The following CIB4 variants were observed in gnomAD, a reference collection of about 807,000 sequenced individuals.
CIB4 encodes calcium and integrin binding family member 4, also known as calcium and integrin-binding family member 4.
In CIB4, 25 loss-of-function variants were observed where a neutral mutation model predicts 25.8. The ratio of observed to expected loss-of-function variants is 0.97; its 90% CI spans 0.71 to 1.35. The LOEUF (loss-of-function observed/expected upper bound fraction) is 1.35. Ranked by LOEUF, CIB4 falls within the 40% of genes most tolerant of loss-of-function variation. CIB4 has a pLI of 0.00. For missense variants in CIB4, 235 were observed against 228.2 expected (o/e 1.03, Z -0.19); for synonymous variants, 75 against 81.4 (o/e 0.92, Z 0.42).
intron 3 of CIB4, among the ~76,000 whole-genome samples, chr2:26,600,339 G>A (rs988846113): frequency 6.6e-6 from 1 of 152,128 alleles, no homozygotes; most frequent in African/African-American, 2.4e-5. Flanking sequence ...GGGAGGCAGA[G>A]GTTGCAGTGA....
intron 5 of CIB4, among the ~76,000 whole-genome samples, chr2:26,583,565 G>C (rs971972512): frequency 6.6e-6 from 1 of 152,176 alleles, no homozygotes; most frequent in African/African-American, 2.4e-5. Flanking sequence ...AGAAAGTGGA[G>C]GGGCAGTTGC....
At chr2:26,599,675 A>C (rs1470198369) in intron 3 of CIB4, among the ~76,000 whole-genome samples, 4 of 152,136 alleles carry the variant, frequency 2.6e-5, no homozygotes, top group Non-Finnish European at 5.9e-5. Context: ...AATTTTCTTA[A>C]TTACTAGTGT....
intron 4 of CIB4, among the ~76,000 whole-genome samples, chr2:26,586,758 T>C (rs559641545): frequency 3.9e-5 from 6 of 152,324 alleles, no homozygotes; most frequent in Admixed American, 2.6e-4. Flanking sequence ...AGCGCCAATC[T>C]TTCATGGGCA....
At chr2:26,623,637 C>G in intron 3 of CIB4, 3 of 458,404 alleles carry the variant, frequency 6.5e-6, no homozygotes, top group Non-Finnish European at 1.4e-5. Context: ...GTTTCCAAAC[C>G]TCTCTGCTCT....
intron 3 of CIB4, among the ~76,000 whole-genome samples, chr2:26,615,647 C>T (rs1391709377): frequency 6.6e-6 from 1 of 152,200 alleles, no homozygotes; most frequent in Non-Finnish European, 1.5e-5. Context: ...TGCTATCACA[C>T]CCATTTGGAA....
intron 4 of CIB4, among the ~76,000 whole-genome samples, chr2:26,585,212 G>A (rs1668428018): frequency 6.6e-6 from 1 of 151,486 alleles, no homozygotes; most frequent in Admixed American, 6.6e-5. Context: ...CAGGCCACCA[G>A]CGGGCAGAGA....
chr2:26,641,173 A>G lies in CIB4; in HGVS notation c.54+88T>C. 3 of 1,142,468 alleles carry G rather than the reference A, an allele frequency of 2.6e-6. No individual in the cohort carries two copies. In the South Asian group the frequency reaches 3.7e-5, roughly 14 times the overall value. The allele number at this position is 1,142,468 out of a possible 1,614,324, so 70.8% of individuals were successfully genotyped here. ...AAGCCAAAAATTGGACACCCCTGCT[A>G]GAGCGTCAGGAAGGAATTTTCCCAT... is the stretch of plus-strand genomic sequence containing the variant. On this transcript the variant is annotated intron_variant, in intron 1 of 6. Coordinates refer to ENST00000288861, the MANE Select transcript of CIB4 (RefSeq NM_001029881.3).
intron 3 of CIB4, among the ~76,000 whole-genome samples, chr2:26,625,165 C>T (rs1443205585): frequency 8.5e-5 from 13 of 152,106 alleles, no homozygotes; most frequent in African/African-American, 3.1e-4. Flanking sequence ...ACCAGATCAT[C>T]GGTCCAATCT....
At chr2:26,601,096 C>T (rs951630921) in intron 3 of CIB4, among the ~76,000 whole-genome samples, 3 of 151,460 alleles carry the variant, frequency 2.0e-5, no homozygotes, top group Non-Finnish European at 2.9e-5. Flanking sequence ...TCTTGCACGC[C>T]TGTAGTTCCA....
chr2:26,632,190 T>A (rs1010106005), intron 2 of CIB4, among the ~76,000 whole-genome samples: 2 of 152,214 alleles, frequency 1.3e-5, no homozygotes, highest in African/African-American at 4.8e-5. Context: ...TCCAGTGGCA[T>A]TGTGCAGATC....
chr2:26,638,782 A>C (rs1360135370), intron 2 of CIB4, among the ~76,000 whole-genome samples: 1 of 152,088 alleles, frequency 6.6e-6, no homozygotes, highest in South Asian at 2.1e-4. Flanking sequence ...GTGAAACCCT[A>C]TCTCTACAGA....
intron 3 of CIB4, among the ~76,000 whole-genome samples, chr2:26,613,490 C>T (rs2148212108): frequency 6.6e-6 from 1 of 152,342 alleles, no homozygotes; most frequent in Admixed American, 6.5e-5. Flanking sequence ...TGCCCTCCCT[C>T]CACAGGCAGC....
At chr2:26,604,512 T>C (rs1467606171) in intron 3 of CIB4, among the ~76,000 whole-genome samples, 1 of 152,194 alleles carries the variant, frequency 6.6e-6, no homozygotes, top group East Asian at 1.9e-4. Flanking sequence ...AATGGAGCGA[T>C]ATATTTTACT....
At chr2:26,638,971 T>TAA (rs112290509) in intron 2 of CIB4, among the ~76,000 whole-genome samples, 1 of 138,382 alleles carries the variant, frequency 7.2e-6, no homozygotes, top group Admixed American at 7.2e-5. Flanking sequence ...CCCAAAAGCT[T>TAA]AAAAAAAAAA....
intron 3 of CIB4, among the ~76,000 whole-genome samples, chr2:26,610,904 C>T (rs944894135): frequency 2.0e-5 from 3 of 152,154 alleles, no homozygotes; most frequent in African/African-American, 7.2e-5. Flanking sequence ...CAAACCTGAG[C>T]TCCTTCCCTG....
chr2:26,630,345 C>T (rs1288237045), intron 2 of CIB4, among the ~76,000 whole-genome samples: 1 of 152,206 alleles, frequency 6.6e-6, no homozygotes, highest in African/African-American at 2.4e-5. Context: ...GGAGGTGAGA[C>T]AGTGGTGCCC....
intron 6 of CIB4, among the ~76,000 whole-genome samples, chr2:26,581,834 G>A (rs568091579): frequency 6.6e-6 from 1 of 152,354 alleles, no homozygotes; most frequent in South Asian, 2.1e-4. Flanking sequence ...CAGGCAGTCA[G>A]AAGAGGGGAG....
intron 3 of CIB4, among the ~76,000 whole-genome samples, chr2:26,628,903 G>A (rs377528218): frequency 1.3e-5 from 2 of 152,296 alleles, no homozygotes; most frequent in South Asian, 2.1e-4. Context: ...TCCTGGCCTA[G>A]GGTCACTTGC....
chr2:26,636,220 G>A (rs1000043041), intron 2 of CIB4, among the ~76,000 whole-genome samples: 2 of 152,022 alleles, frequency 1.3e-5, no homozygotes, highest in African/African-American at 4.8e-5. Flanking sequence ...AATATTCAGT[G>A]TTTATAATAA....
Sources: gnomAD v4.1 joint callset for allele counts (sites outside exome capture counted in the v4.1 genomes callset) on GRCh38, gnomAD v4.1.1 for gene constraint, MANE v1.5 for transcripts, NCBI Gene and HGNC (gene_info 2026-07-23, HGNC 2026-07-21) for gene names.